TTC8: variants seen among roughly 807,000 people sequenced by gnomAD.
TTC8 encodes the protein tetratricopeptide repeat domain 8.
TTC8 carries 47 observed loss-of-function variants against 72.5 expected under a neutral mutation model. That is an observed-to-expected ratio of 0.65 (90% CI 0.51 to 0.83). TTC8 has a LOEUF of 0.83. Ranked by LOEUF, TTC8 falls within the 40% of genes least tolerant of loss-of-function variation. The pLI is 0.00. For missense variants in TTC8, 611 were observed against 623.2 expected (o/e 0.98, Z 0.21); for synonymous variants, 199 against 221.4 (o/e 0.90, Z 0.90).
downstream of TTC8, chr14:88,880,135 G>A (rs2094969271): frequency 6.6e-6 from 1 of 151,942 alleles, no homozygotes; most frequent in Admixed American, 6.6e-5. Context: ...TCAAGTGTAG[G>A]AAAAAAAGCC....
intron 2 of TTC8, among the ~76,000 whole-genome samples, chr14:88,835,020 T>C (rs568141539): frequency 6.6e-6 from 1 of 152,298 alleles, no homozygotes; most frequent in South Asian, 2.1e-4. Context: ...GAATTTCTTA[T>C]TTTTGCACAC....
downstream of TTC8, chr14:88,880,448 T>C (rs1394438836): frequency 6.6e-6 from 1 of 152,214 alleles, no homozygotes; most frequent in African/African-American, 2.4e-5. Context: ...TTTCTTGCAA[T>C]GTGATCCTTT....
At chr14:88,824,586 C>G (rs2094689204), upstream of TTC8, 4 of 707,970 alleles carry the variant, frequency 5.6e-6, no homozygotes, top group Non-Finnish European at 9.7e-6. Context: ...GCGCTGCGGG[C>G]ACCTCTCGGA....
At chr14:88,880,293 TCTA>T (rs2094969550), downstream of TTC8, 2 of 152,212 alleles carry the variant, frequency 1.3e-5, no homozygotes, top group South Asian at 4.1e-4. Flanking sequence ...CACTTTCATA[TCTA>T]TCCATATAGA....
intron 2 of TTC8, among the ~76,000 whole-genome samples, chr14:88,834,980 A>AT (rs2094743804): frequency 6.6e-6 from 1 of 152,202 alleles, no homozygotes; most frequent in South Asian, 2.1e-4. Context: ...GGCTGACTAG[A>AT]TTCTTTTGGC....
Position 88,875,359 on chromosome 14 carries a change from G to A in TTC8, c.1431+250G>A, listed in dbSNP as rs572043795. Among the ~76,000 whole-genome samples the A allele has an allele frequency of 5.7e-4, 87 of 152,106 alleles. 2 individuals carry two copies. In the South Asian group the frequency reaches 0.017, roughly 29 times the overall value. On this transcript the variant is annotated intron_variant, in intron 14 of 14. Transcript: ENST00000380656. The stretch of plus-strand genomic sequence containing the variant: ...GAATTATTTTATGTTTTGAAATATG[G>A]CATTTAGTCATTGAAGAAATACTCA...
chr14:88,840,001 G>A (rs935520687), intron 3 of TTC8, among the ~76,000 whole-genome samples: 5 of 152,112 alleles, frequency 3.3e-5, no homozygotes, highest in African/African-American at 1.2e-4. Context: ...TTAAAAAAAG[G>A]TCGTTCGAAA....
intron 8 of TTC8, among the ~76,000 whole-genome samples, chr14:88,854,271 C>T (rs1019546127): frequency 1.3e-5 from 2 of 152,194 alleles, no homozygotes; most frequent in Non-Finnish European, 2.9e-5. Flanking sequence ...CATCCATATA[C>T]GATGGCATTT....
At chr14:88,867,408 G>A (rs569720694) in intron 10 of TTC8, among the ~76,000 whole-genome samples, 12 of 152,074 alleles carry the variant, frequency 7.9e-5, no homozygotes, top group Non-Finnish European at 1.5e-4. Flanking sequence ...GACACTGAGA[G>A]TGAAAAAATA....
In TTC8 at chr14:88,864,887, G is replaced by C. The variant is rs566058063; in HGVS notation, c.909+3555G>C. Among the ~76,000 whole-genome samples the C allele has an allele frequency of 2.5e-3, 374 of 152,314 alleles. 5 individuals are homozygous for C. The highest frequency in any genetic ancestry group is 8.7e-3 in the African/African-American group (362 of 41,570). On this transcript the variant is annotated intron_variant, in intron 10 of 14. Transcript: ENST00000380656. Reference sequence around the variant, plus strand: ...TGGTTTTAGCACCGCAGCCTGCACTGTGTGTGCCTTTAGGGTTTTTGTTAC... The same window carrying C: ...TGGTTTTAGCACCGCAGCCTGCACTCTGTGTGCCTTTAGGGTTTTTGTTAC...
chr14:88,873,172 G>C lies in TTC8; in HGVS notation c.1347+720G>C, dbSNP rs539294941. ...CCACGTGACCTGCCCTCTGGCTCCTGCTCAGACCACATCTTTTGCCACTCC... is the reference window on the plus strand; with the variant it reads ...CCACGTGACCTGCCCTCTGGCTCCTCCTCAGACCACATCTTTTGCCACTCC... On this transcript the variant is annotated intron_variant, in intron 13 of 14. Transcript: ENST00000380656. Among the ~76,000 whole-genome samples, 33 of 152,288 alleles carry C rather than the reference G, an allele frequency of 2.2e-4. No individual in the cohort carries two copies. In the South Asian group the frequency reaches 6.4e-3, roughly 30 times the overall value.
At chr14:88,834,066 A>G (rs1274180264) in intron 2 of TTC8, 14 of 327,128 alleles carry the variant, frequency 4.3e-5, no homozygotes, top group Non-Finnish European at 6.4e-5. Flanking sequence ...GGAATGACAA[A>G]TGTCTGAAAG....
At chr14:88,854,486 G>A (rs2094847518) in intron 8 of TTC8, among the ~76,000 whole-genome samples, 1 of 152,166 alleles carries the variant, frequency 6.6e-6, no homozygotes, top group South Asian at 2.1e-4. Flanking sequence ...ATAGAATGGA[G>A]GAGAGAGGAC....
chr14:88,871,685 G>A lies in TTC8; in HGVS notation c.1186G>A (p.Ala396Thr), dbSNP rs759883641. The A allele has an allele frequency of 3.7e-6, 6 of 1,613,952 alleles. No homozygotes were observed. The highest frequency in any genetic ancestry group is 1.3e-5 in the African/African-American group (1 of 74,894). Residue 396 changes from alanine (A) to threonine (T), a missense_variant, in exon 12 of 15, where the codon GCA (alanine) becomes ACA (threonine). Transcript: ENST00000380656. The surrounding 1 kb of genome is among the most constrained non-coding windows in gnomAD (Gnocchi z 4.1). ...TTCTTTGGCTGAAAATGAAGAAGAGGCAGCTGATGTCTGGTACAACTTGGG... is the reference window on the plus strand; with the variant it reads ...TTCTTTGGCTGAAAATGAAGAAGAGACAGCTGATGTCTGGTACAACTTGGG... ...ALSLAENEEE[A>T]ADVWYNLGHV...
At chr14:88,879,130 A>AT (rs2141052176), downstream of TTC8, 1 of 152,286 alleles carries the variant, frequency 6.6e-6, no homozygotes, top group African/African-American at 2.4e-5. Context: ...ATATGGAGGG[A>AT]TTTTGTCTTG....
rs1029952533 is a variant in TTC8 at position 88,871,476 on chromosome 14, A to G, written c.1050-73A>G. On this transcript the variant is annotated intron_variant, in intron 11 of 14. Transcript: ENST00000380656. The surrounding 1 kb of genome is among the most constrained non-coding windows in gnomAD (Gnocchi z 4.1). ...GATGAATTCATTTTTAACTGTGTAAAATATATATATATATGTCTTAAAACT... is the reference window on the plus strand; with the variant it reads ...GATGAATTCATTTTTAACTGTGTAAGATATATATATATATGTCTTAAAACT... The G allele has an allele frequency of 3.9e-6, 5 of 1,276,126 alleles. No individual in the cohort carries two copies. In the East Asian group the frequency reaches 7.7e-5, roughly 20 times the overall value. 79.1% of individuals were successfully genotyped at this position (1,276,126 alleles called of 1,614,324 possible).
chr14:88,837,514 C>T (rs1219793090), intron 2 of TTC8, among the ~76,000 whole-genome samples: 1 of 152,132 alleles, frequency 6.6e-6, no homozygotes, highest in Non-Finnish European at 1.5e-5. Flanking sequence ...GCAGTAGGTG[C>T]CCCCTGGTAA....
chr14:88,843,500 A>G (rs1229699371), intron 6 of TTC8, among the ~76,000 whole-genome samples: 1 of 152,196 alleles, frequency 6.6e-6, no homozygotes, highest in East Asian at 1.9e-4. Flanking sequence ...TAATATATGT[A>G]GAGAATATAA....
chr14:88,833,668 T>G, intron 1 of TTC8, 25 bp from the exon 2 acceptor site: 1 of 1,611,994 alleles, frequency 6.2e-7, no homozygotes, highest in Non-Finnish European at 8.5e-7. Flanking sequence ...TTAAAACTGT[T>G]TACTGCCTTC....
Sources: gnomAD v4.1 joint callset for allele counts (sites outside exome capture counted in the v4.1 genomes callset) on GRCh38, gnomAD v4.1.1 for gene constraint, Gnocchi (gnomAD v3.1) non-coding constraint, MANE v1.5 for transcripts, NCBI Gene and HGNC (gene_info 2026-07-23, HGNC 2026-07-21) for gene names.